Variants in PLCB1 observed in about 807,000 individuals in gnomAD.
PLCB1 encodes the protein phospholipase C beta 1.
A neutral mutation model predicts 161.8 loss-of-function variants in PLCB1; 46 were observed. That is an observed-to-expected ratio of 0.28 (90% CI 0.22 to 0.36). The LOEUF (loss-of-function observed/expected upper bound fraction) is 0.36, where lower values mean the gene tolerates loss of function less well. PLCB1 is among the 10% of genes least tolerant of loss of function. The pLI is 1.00. For missense variants in PLCB1, 1,016 were observed against 1,472.5 expected (o/e 0.69, Z 5.07); for synonymous variants, 517 against 503.7 (o/e 1.03, Z -0.35).
rs1235143487 is a variant in PLCB1 at position 8,628,294 on chromosome 20, G to A, written c.247G>A (p.Asp83Asn). Residue 83 changes from aspartate (D) to asparagine (N), a missense_variant and splice_region_variant, in exon 4 of 32, where the codon GAC becomes AAC. By Grantham distance (23) the Asp-to-Asn change is conservative. Around this residue, in one of 10 missense-constraint regions of PLCB1, gnomAD observed 181 missense variants for 236.7 expected, o/e 0.76. Transcript: ENST00000338037. Reference protein sequence around the residue: ...RCGRHAKAPKDPKLRELLDVG... With the variant: ...RCGRHAKAPKNPKLRELLDVG... ...ATTATTTTCAATATTTATTACCCAG[G>A]ACCCCAAATTACGTGAACTTTTGGA... 1 of 1,612,032 alleles carries A rather than the reference G, an allele frequency of 6.2e-7. No individual in the cohort carries two copies.
intron 2 of PLCB1, among the ~76,000 whole-genome samples, chr20:8,308,618 C>CA (rs71183088): frequency 0.066 from 4,825 of 72,926 alleles, 164 homozygotes; most frequent in Non-Finnish European, 0.11. Flanking sequence ...TTCCGTATAT[C>CA]AAAAAAAAAA....
intron 2 of PLCB1, among the ~76,000 whole-genome samples, chr20:8,198,969 C>A (rs976015025): frequency 6.6e-6 from 1 of 151,936 alleles, no homozygotes; most frequent in African/African-American, 2.4e-5. Context: ...CACACACACA[C>A]ACGGACCCAT....
At chr20:8,433,021 A>T (rs1294775780) in intron 3 of PLCB1, among the ~76,000 whole-genome samples, 1 of 152,196 alleles carries the variant, frequency 6.6e-6, no homozygotes, top group Non-Finnish European at 1.5e-5. Context: ...TTCCCAGAGC[A>T]AACAGATTCA....
At chr20:8,161,986 C>T (rs1202796405) in intron 2 of PLCB1, among the ~76,000 whole-genome samples, 3 of 152,108 alleles carry the variant, frequency 2.0e-5, no homozygotes, top group Admixed American at 6.5e-5. Flanking sequence ...CTACCAGATT[C>T]TGAATTATTT....
intron 3 of PLCB1, among the ~76,000 whole-genome samples, chr20:8,471,969 T>C (rs1982072327): frequency 6.6e-6 from 1 of 152,228 alleles, no homozygotes; most frequent in South Asian, 2.1e-4. Flanking sequence ...TACTGGCTTT[T>C]TTATTGTCCT....
intron 3 of PLCB1, among the ~76,000 whole-genome samples, chr20:8,535,352 T>C (rs374913142): frequency 6.6e-5 from 10 of 152,122 alleles, no homozygotes; most frequent in African/African-American, 2.2e-4. Context: ...TAAAATGTGT[T>C]GTCCTACATT....
At chr20:8,813,341 A>C (rs1261671759) in intron 31 of PLCB1, among the ~76,000 whole-genome samples, 1 of 152,210 alleles carries the variant, frequency 6.6e-6, no homozygotes, top group Non-Finnish European at 1.5e-5. Context: ...TTCATGGCTG[A>C]AAGAGAGACT....
chr20:8,798,757 A>G (rs184188297), intron 31 of PLCB1, among the ~76,000 whole-genome samples: 1 of 152,304 alleles, frequency 6.6e-6, no homozygotes, highest in East Asian at 1.9e-4. Context: ...CAGCCCTCCA[A>G]TTCTCAGAAG....
intron 3 of PLCB1, among the ~76,000 whole-genome samples, chr20:8,438,368 T>C (rs1980402979): frequency 6.6e-6 from 1 of 152,182 alleles, no homozygotes; most frequent in Non-Finnish European, 1.5e-5. Context: ...GGAGAAAACA[T>C]TTTTAGACAT....
chr20:8,746,774 A>G (rs1386431343), intron 23 of PLCB1, among the ~76,000 whole-genome samples: 1 of 152,350 alleles, frequency 6.6e-6, no homozygotes, highest in East Asian at 1.9e-4. Flanking sequence ...GTGCCACACA[A>G]TTAGTAAAGA....
Position 8,704,464 on chromosome 20 carries a change from T to C in PLCB1, c.1168-4206T>C, listed in dbSNP as rs181295443. 2.0e-4 allele frequency among the ~76,000 whole-genome samples: 30 copies of C among 152,392 alleles called. 1 individual carries two copies. The highest frequency in any genetic ancestry group is 6.5e-4 in the African/African-American group (27 of 41,596). On this transcript the variant is annotated intron_variant, in intron 11 of 31. Coordinates refer to ENST00000338037, the MANE Select transcript of PLCB1 (RefSeq NM_015192.4). ...TTGGAAATTTCAGCCATGAAGTTGTTAAAAAGTTAATCTGGCTATTAAGTA... is the reference window on the plus strand; with the variant it reads ...TTGGAAATTTCAGCCATGAAGTTGTCAAAAAGTTAATCTGGCTATTAAGTA...
chr20:8,443,674 A>G (rs995299534), intron 3 of PLCB1, among the ~76,000 whole-genome samples: 2 of 152,330 alleles, frequency 1.3e-5, no homozygotes, highest in South Asian at 2.1e-4. Flanking sequence ...ATTGGAGGGC[A>G]GAAGAAGAGC....
In PLCB1 at chr20:8,646,140, G is replaced by A. The variant is rs761027042; in HGVS notation, c.423G>A (p.Leu141=). 6.2e-7 allele frequency: 1 copy of A among 1,613,770 alleles called. No individual in the cohort carries two copies. The highest frequency in any genetic ancestry group is 8.5e-7 in the Non-Finnish European group (1 of 1,179,656). ...TNEVFSLATN[L]LAQNMSRDAF... Reference sequence around the variant, plus strand: ...AGGTTTTCAGTTTGGCAACAAACCTGCTGGCCCAAAACATGTCCAGGGATG... The same window carrying A: ...AGGTTTTCAGTTTGGCAACAAACCTACTGGCCCAAAACATGTCCAGGGATG... The change falls in exon 5 of 32, where the codon CTG becomes CTA. Residue 141 remains leucine, a synonymous_variant. Transcript: ENST00000338037.
chr20:8,795,064 A>G (rs1983950281), intron 31 of PLCB1, among the ~76,000 whole-genome samples: 1 of 152,200 alleles, frequency 6.6e-6, no homozygotes. Context: ...AATCAGGCTA[A>G]AAATTTGTTT....
intron 4 of PLCB1, among the ~76,000 whole-genome samples, chr20:8,644,059 G>C (rs1473086542): frequency 1.3e-5 from 2 of 149,964 alleles, no homozygotes; most frequent in Non-Finnish European, 3.0e-5. Context: ...GGCATCCTGA[G>C]GTGCCGGGAT....
At chr20:8,812,997 G>A (rs941475702) in intron 31 of PLCB1, among the ~76,000 whole-genome samples, 1 of 152,212 alleles carries the variant, frequency 6.6e-6, no homozygotes, top group South Asian at 2.1e-4. Flanking sequence ...CCCAGGGACT[G>A]TGGTAGGCAG....
At chr20:8,410,451 C>T (rs1364695813) in intron 3 of PLCB1, among the ~76,000 whole-genome samples, 1 of 151,986 alleles carries the variant, frequency 6.6e-6, no homozygotes, top group African/African-American at 2.4e-5. Context: ...TCATTTATGT[C>T]TTTCTAGTGA....
chr20:8,465,683 C>G (rs1262979387), intron 3 of PLCB1, among the ~76,000 whole-genome samples: 1 of 152,070 alleles, frequency 6.6e-6, no homozygotes, highest in Admixed American at 6.6e-5. Flanking sequence ...AAGAGCCCTA[C>G]AAAAGAAGAC....
At chr20:8,665,074 C>G (rs1290086560) in intron 9 of PLCB1, among the ~76,000 whole-genome samples, 1 of 152,106 alleles carries the variant, frequency 6.6e-6, no homozygotes, top group Admixed American at 6.6e-5. Context: ...AGAGATGGTT[C>G]CCTAAAATTC....
Sources: gnomAD v4.1 joint callset for allele counts (sites outside exome capture counted in the v4.1 genomes callset) on GRCh38, gnomAD v4.1.1 for gene constraint, gnomAD v4.1.1 regional missense constraint, MANE v1.5 for transcripts, NCBI Gene and HGNC (gene_info 2026-07-23, HGNC 2026-07-21) for gene names.